The following EPHA6 variants were observed in gnomAD, a reference collection of about 807,000 sequenced individuals.
EPHA6 encodes ephrin type-A receptor 6.
In EPHA6, 50 loss-of-function variants were observed where a neutral mutation model predicts 112.0. The ratio of observed to expected loss-of-function variants is 0.45; its 90% CI spans 0.36 to 0.56. The LOEUF (loss-of-function observed/expected upper bound fraction) is 0.56, where lower values mean the gene tolerates loss of function less well. Among genes scored for constraint, EPHA6 ranks in the 20% least tolerant of loss-of-function variants. The pLI is 0.00. For missense variants in EPHA6, 1,280 were observed against 1,417.4 expected (o/e 0.90, Z 1.56); for synonymous variants, 529 against 490.7 (o/e 1.08, Z -1.03).
intron 15 of EPHA6, among the ~76,000 whole-genome samples, chr3:97,723,592 C>T (rs546493460): frequency 1.6e-4 from 25 of 152,092 alleles, no homozygotes; most frequent in Non-Finnish European, 2.8e-4. Flanking sequence ...GATTGTTTTT[C>T]CACTAGGTAG....
At chr3:97,721,530 C>T (rs183117738) in intron 15 of EPHA6, among the ~76,000 whole-genome samples, 4 of 152,312 alleles carry the variant, frequency 2.6e-5, no homozygotes, top group East Asian at 1.9e-4. Context: ...CAGAAGTTAA[C>T]GTAGCAGCAG....
chr3:97,213,580 A>G (rs898600068), intron 3 of EPHA6, among the ~76,000 whole-genome samples: 1 of 152,192 alleles, frequency 6.6e-6, no homozygotes, highest in Non-Finnish European at 1.5e-5. Context: ...GTCCACTTCC[A>G]AGTTTCCAGT....
intron 5 of EPHA6, among the ~76,000 whole-genome samples, chr3:97,258,541 G>C (rs1034927657): frequency 3.3e-5 from 5 of 151,874 alleles, no homozygotes; most frequent in Non-Finnish European, 5.9e-5. Context: ...GAATCTCTTG[G>C]GCCCCAGATT....
At chr3:97,036,564 G>A (rs1445847174) in intron 3 of EPHA6, among the ~76,000 whole-genome samples, 1 of 151,830 alleles carries the variant, frequency 6.6e-6, no homozygotes, top group East Asian at 1.9e-4. Flanking sequence ...TCCCAACTTG[G>A]ACGTTCTTCT....
intron 2 of EPHA6, among the ~76,000 whole-genome samples, chr3:96,966,349 C>T (rs2042120506): frequency 6.6e-6 from 1 of 152,020 alleles, no homozygotes; most frequent in Non-Finnish European, 1.5e-5. Flanking sequence ...GCTGGCAAAG[C>T]AGAAATGTGG....
chr3:96,980,954 A>T (rs900401795), intron 2 of EPHA6, among the ~76,000 whole-genome samples: 1 of 152,202 alleles, frequency 6.6e-6, no homozygotes, highest in African/African-American at 2.4e-5. Flanking sequence ...TTTTGGGCTG[A>T]GACGATGGGG....
chr3:97,456,409 T>G (rs891319421), intron 7 of EPHA6, among the ~76,000 whole-genome samples: 10 of 152,220 alleles, frequency 6.6e-5, no homozygotes, highest in Middle Eastern at 3.4e-3. Context: ...TTGACTAATA[T>G]TTCCCCATTT....
At chr3:97,730,673 A>G (rs7650099) in intron 15 of EPHA6, among the ~76,000 whole-genome samples, 75,799 of 151,898 alleles carry the variant, frequency 0.5, 19,310 homozygotes, top group African/African-American at 0.61. Flanking sequence ...ATACCTCTAA[A>G]TCAAAACTTT....
At chr3:97,033,485 C>A (rs2044958210) in intron 3 of EPHA6, among the ~76,000 whole-genome samples, 1 of 151,764 alleles carries the variant, frequency 6.6e-6, no homozygotes, top group Admixed American at 6.6e-5. Flanking sequence ...TAGAGATATT[C>A]AAAACAAATT....
At chr3:97,175,604 TC>T (rs955784321) in intron 3 of EPHA6, among the ~76,000 whole-genome samples, 2 of 151,834 alleles carry the variant, frequency 1.3e-5, no homozygotes, top group African/African-American at 2.4e-5. Flanking sequence ...TAGATCTCCT[TC>T]ATTTCTTTGG....
chr3:97,449,495 G>C (rs2090458170), intron 7 of EPHA6, among the ~76,000 whole-genome samples: 1 of 151,960 alleles, frequency 6.6e-6, no homozygotes, highest in Non-Finnish European at 1.5e-5. Context: ...ATTTATTATA[G>C]TAATTCCTTA....
intron 3 of EPHA6, among the ~76,000 whole-genome samples, chr3:97,040,395 C>T (rs2045270311): frequency 6.6e-6 from 1 of 151,928 alleles, no homozygotes; most frequent in Admixed American, 6.6e-5. Context: ...CATAAAACAA[C>T]TTCATTATAT....
chr3:97,458,800 A>G (rs1044324780), intron 7 of EPHA6, among the ~76,000 whole-genome samples: 13 of 152,270 alleles, frequency 8.5e-5, no homozygotes, highest in Non-Finnish European at 1.8e-4. Flanking sequence ...AGAATGTTTA[A>G]TTGTTCAACT....
Position 97,566,242 on chromosome 3 carries a change from A to C in EPHA6, c.2387-26370A>C, listed in dbSNP as rs530838765. Among the ~76,000 whole-genome samples, 7 of 152,258 alleles carry C rather than the reference A, an allele frequency of 4.6e-5. No homozygotes were observed. The South Asian group carries it at 1.5e-3, about 32-fold the overall frequency. Reference sequence around the variant, plus strand: ...GCATGAACTAACTGAACAAGAACACAGTTATCACCAAGGGGGTGGTGGTAA... The same window carrying C: ...GCATGAACTAACTGAACAAGAACACCGTTATCACCAAGGGGGTGGTGGTAA... On this transcript the variant is annotated intron_variant, in intron 11 of 17. Coordinates refer to ENST00000389672, the MANE Select transcript of EPHA6 (RefSeq NM_001080448.3).
chr3:97,745,412 A>G (rs567039479), intron 16 of EPHA6: 1 of 451,538 alleles, frequency 2.2e-6, no homozygotes, highest in South Asian at 1.6e-5. Flanking sequence ...CCACAATCAA[A>G]ATAACGTTGC....
At chr3:97,340,923 T>C (rs1192598260) in intron 5 of EPHA6, among the ~76,000 whole-genome samples, 1 of 152,226 alleles carries the variant, frequency 6.6e-6, no homozygotes, top group African/African-American at 2.4e-5. Flanking sequence ...GGCTTCAATG[T>C]ACGATTTTGG....
intron 2 of EPHA6, among the ~76,000 whole-genome samples, chr3:96,915,016 ATAT>A (rs1367978788): frequency 2.0e-5 from 3 of 151,712 alleles, no homozygotes; most frequent in African/African-American, 4.8e-5. Flanking sequence ...TACTACTGTG[ATAT>A]TATTATTTAA....
chr3:96,999,392 T>C (rs570344705), intron 3 of EPHA6, among the ~76,000 whole-genome samples: 1 of 152,072 alleles, frequency 6.6e-6, no homozygotes, highest in Admixed American at 6.6e-5. Flanking sequence ...TTCTTGCCTT[T>C]AGTAAAGCAG....
chr3:97,747,623 T>G, intron 17 of EPHA6, 51 bp downstream of exon 17: 1 of 1,487,622 alleles, frequency 6.7e-7, no homozygotes, highest in South Asian at 1.5e-5. Flanking sequence ...CTGGGGATTA[T>G]AAGTTCAAAT....
Sources: allele counts gnomAD v4.1 joint callset (sites outside exome capture counted in the v4.1 genomes callset), GRCh38; gene constraint gnomAD v4.1.1; transcripts MANE v1.5; gene names NCBI Gene and HGNC (gene_info 2026-07-23, HGNC 2026-07-21).